Variants in CCDC85A observed in about 807,000 individuals in gnomAD.
The protein encoded by CCDC85A is coiled-coil domain containing 85A.
In CCDC85A, 38 loss-of-function variants were observed where a neutral mutation model predicts 50.2. The observed-to-expected ratio is 0.76, with a 90% CI of 0.58 to 0.99. The LOEUF (loss-of-function observed/expected upper bound fraction) is 0.99. Among genes scored for constraint, CCDC85A ranks in the 50% least tolerant of loss-of-function variants. CCDC85A has a pLI of 0.00. For missense variants in CCDC85A, 820 were observed against 742.0 expected (o/e 1.11, Z -1.22); for synonymous variants, 366 against 301.4 (o/e 1.21, Z -2.22).
intron 3 of CCDC85A, among the ~76,000 whole-genome samples, chr2:56,344,894 CA>C: frequency 6.7e-6 from 1 of 150,356 alleles, no homozygotes; most frequent in Admixed American, 6.6e-5. Flanking sequence ...AGGCTGACAT[CA>C]AACAGCAAAC....
intron 2 of CCDC85A, among the ~76,000 whole-genome samples, chr2:56,246,811 G>C (rs775375676): frequency 3.9e-5 from 6 of 152,108 alleles, no homozygotes; most frequent in Admixed American, 6.5e-5. Context: ...AAAATAAAGA[G>C]CTAAAATTTC....
At chr2:56,366,296 T>C (rs1203158910) in intron 3 of CCDC85A, among the ~76,000 whole-genome samples, 1 of 152,216 alleles carries the variant, frequency 6.6e-6, no homozygotes, top group Non-Finnish European at 1.5e-5. Flanking sequence ...CTGAATCATA[T>C]GTAGTCCTAC....
chr2:56,223,504 A>G (rs775860997), intron 2 of CCDC85A, among the ~76,000 whole-genome samples: 1 of 152,106 alleles, frequency 6.6e-6, no homozygotes, highest in Non-Finnish European at 1.5e-5. Context: ...ATCCTCAATA[A>G]TTCTATCTCA....
At chr2:56,295,726 T>G (rs1671918982) in intron 2 of CCDC85A, among the ~76,000 whole-genome samples, 1 of 152,204 alleles carries the variant, frequency 6.6e-6, no homozygotes, top group African/African-American at 2.4e-5. Context: ...CTCTTGAGTG[T>G]TAGCATCATT....
At chr2:56,270,782 T>C (rs1455975647) in intron 2 of CCDC85A, among the ~76,000 whole-genome samples, 2 of 152,204 alleles carry the variant, frequency 1.3e-5, no homozygotes, top group Non-Finnish European at 2.9e-5. Context: ...AGGTGTTTAA[T>C]GTAGGAACTC....
intron 2 of CCDC85A, among the ~76,000 whole-genome samples, chr2:56,276,902 C>T (rs890028003): frequency 2.0e-5 from 3 of 152,100 alleles, no homozygotes; most frequent in African/African-American, 7.2e-5. Context: ...TCGTCTGTTC[C>T]AGCAGTGAAC....
chr2:56,242,881 A>G (rs1573086184), intron 2 of CCDC85A, among the ~76,000 whole-genome samples: 1 of 152,020 alleles, frequency 6.6e-6, no homozygotes, highest in African/African-American at 2.4e-5. Flanking sequence ...TTCTGTTAGT[A>G]ATTTATAGTT....
At chr2:56,261,204 G>A (rs528202431) in intron 2 of CCDC85A, among the ~76,000 whole-genome samples, 5 of 152,208 alleles carry the variant, frequency 3.3e-5, no homozygotes, top group East Asian at 3.9e-4. Context: ...AAGAAACTGC[G>A]GTAGCACTTT....
chr2:56,321,664 C>A lies in CCDC85A; in HGVS notation c.1241-21215C>A, dbSNP rs12383963. 2.6e-5 allele frequency among the ~76,000 whole-genome samples: 4 copies of A among 152,276 alleles called. No homozygotes were observed. The South Asian group carries it at 6.2e-4, about 24-fold the overall frequency. ...AAGAGGACACAAACAAATTGAAGAA[C>A]GTTCCATGCTCGTGGATACGAAGAA... On this transcript the variant is annotated intron_variant, in intron 2 of 5. Coordinates refer to ENST00000407595, the MANE Select transcript of CCDC85A (RefSeq NM_001080433.2).
chr2:56,203,429 T>G (rs2103856926), intron 2 of CCDC85A, among the ~76,000 whole-genome samples: 1 of 152,240 alleles, frequency 6.6e-6, no homozygotes, highest in Non-Finnish European at 1.5e-5. Context: ...TTCAGTCCCT[T>G]ATTCTAAAAC....
Position 56,372,357 on chromosome 2 carries a change from GA to G in CCDC85A, c.1333del (p.Arg445GlyfsTer32). 1 of 1,582,194 alleles carries G rather than the reference GA, an allele frequency of 6.3e-7. No individual in the cohort carries two copies. The highest frequency in any genetic ancestry group is 1.3e-5 in the African/African-American group (1 of 74,276). On this transcript the variant is annotated frameshift_variant, in exon 4 of 6. Coordinates refer to ENST00000407595, the MANE Select transcript of CCDC85A (RefSeq NM_001080433.2). LOFTEE classifies it high-confidence loss of function. ...TCCAAATATAAGGCCAGCCAGAATAGAAGGCAACCTCCAACTAGAAACAGCT... is the reference window on the plus strand; with the variant it reads ...TCCAAATATAAGGCCAGCCAGAATAGAGGCAACCTCCAACTAGAAACAGCT... ...NRMLPQASQN[R>X]RQPPTRNSSN...
At chr2:56,189,954 G>C (rs1213545345) in intron 1 of CCDC85A, among the ~76,000 whole-genome samples, 1 of 152,208 alleles carries the variant, frequency 6.6e-6, no homozygotes. Flanking sequence ...AAAAGGAGAG[G>C]TGGGAATTAG....
intron 2 of CCDC85A, among the ~76,000 whole-genome samples, chr2:56,290,034 A>C (rs4672105): frequency 0.18 from 26,642 of 151,886 alleles, 3,099 homozygotes; most frequent in African/African-American, 0.32. Context: ...ATTTCCTGCT[A>C]TTGTCTGGTT....
intron 2 of CCDC85A, among the ~76,000 whole-genome samples, chr2:56,303,354 A>G (rs1672292327): frequency 6.6e-6 from 1 of 152,122 alleles, no homozygotes; most frequent in South Asian, 2.1e-4. Flanking sequence ...GACGATGAGA[A>G]CCCAGGGGGC....
intron 2 of CCDC85A, among the ~76,000 whole-genome samples, chr2:56,273,841 GT>G: frequency 6.6e-6 from 1 of 152,106 alleles, no homozygotes; most frequent in South Asian, 2.1e-4. Context: ...AATATCTGAT[GT>G]TTGTTCATTA....
chr2:56,265,194 A>G (rs1185093846), intron 2 of CCDC85A, among the ~76,000 whole-genome samples: 4 of 152,206 alleles, frequency 2.6e-5, no homozygotes, highest in African/African-American at 4.8e-5. Context: ...AAGGGGAAGG[A>G]CAAGCCAGAG....
At chr2:56,347,084 T>G (rs562738112) in intron 3 of CCDC85A, among the ~76,000 whole-genome samples, 1 of 152,176 alleles carries the variant, frequency 6.6e-6, no homozygotes, top group Non-Finnish European at 1.5e-5. Context: ...TTTAAGGAGT[T>G]TTGTATCAAA....
intron 2 of CCDC85A, among the ~76,000 whole-genome samples, chr2:56,259,620 C>CA (rs566423372): frequency 1.7e-3 from 263 of 152,314 alleles, no homozygotes; most frequent in African/African-American, 5.9e-3. Flanking sequence ...GCTTTAACTT[C>CA]AGCTAGTGTT....
At chr2:56,276,712 C>T (rs1463482275) in intron 2 of CCDC85A, among the ~76,000 whole-genome samples, 3 of 152,128 alleles carry the variant, frequency 2.0e-5, no homozygotes, top group Admixed American at 6.5e-5. Flanking sequence ...TTGTCAGCAG[C>T]GTGAAAATGG....
Sources: allele counts gnomAD v4.1 joint callset (sites outside exome capture counted in the v4.1 genomes callset), GRCh38; gene constraint gnomAD v4.1.1; transcripts MANE v1.5; gene names NCBI Gene and HGNC (gene_info 2026-07-23, HGNC 2026-07-21).